UACA: variants seen among roughly 807,000 people sequenced by gnomAD.
UACA encodes uveal autoantigen with coiled-coil domains and ankyrin repeats.
UACA carries 112 observed loss-of-function variants against 160.5 expected under a neutral mutation model. That is an observed-to-expected ratio of 0.70 (90% confidence interval 0.60 to 0.82). The LOEUF is 0.82. UACA is among the 40% of genes least tolerant of loss of function. The pLI is 0.00. For synonymous variants in UACA, 557 were observed against 568.4 expected (o/e 0.98, Z 0.29); for missense variants, 1,574 against 1,614.6 (o/e 0.97, Z 0.43).
chr15:70,726,191 T>C (rs1051772440), intron 1 of UACA, among the ~76,000 whole-genome samples: 10 of 152,124 alleles, frequency 6.6e-5, no homozygotes, highest in African/African-American at 2.4e-4. Flanking sequence ...AATGATTTAA[T>C]ACATCAGTGA....
chr15:70,667,629 T>C lies in UACA; in HGVS notation c.3055A>G (p.Ser1019Gly). 6.2e-7 allele frequency: 1 copy of C among 1,612,846 alleles called. No homozygotes were observed. The highest frequency in any genetic ancestry group is 2.2e-5 in the East Asian group (1 of 44,876). Residue 1019 changes from serine (S) to glycine (G), a missense_variant, in exon 16 of 19, where the codon AGT becomes GGT. Transcript: ENST00000322954. The part of the protein sequence containing the change: ...LSEQTQKYSV[S>G]EEEVKKNKQE... The stretch of plus-strand genomic sequence containing the variant: ...TTGTTTTTCTTGACTTCTTCTTCAC[T>C]GACACTATACTTTTGTGTCTGCTCT...
chr15:70,687,433 C>T (rs924749632), intron 7 of UACA, 107 bp downstream of exon 7: 11 of 979,672 alleles, frequency 1.1e-5, no homozygotes, highest in Non-Finnish European at 1.7e-5. Flanking sequence ...AAGGGGAGAA[C>T]CCACAGGAAA....
At chr15:70,755,989 C>T (rs894078962) in intron 1 of UACA, among the ~76,000 whole-genome samples, 3 of 152,178 alleles carry the variant, frequency 2.0e-5, no homozygotes, top group African/African-American at 7.2e-5. Context: ...GCCCCCACAG[C>T]AATTTATACC....
At position 70,716,740 on chromosome 15, in the gene UACA, A is replaced by G. The variant is rs185031255; in HGVS notation, c.79-17080T>C. Among the ~76,000 whole-genome samples, 459 of 152,300 alleles carry G rather than the reference A, an allele frequency of 3.0e-3. 2 individuals are homozygous for G. The highest frequency in any genetic ancestry group is 4.3e-3 in the Non-Finnish European group (293 of 68,022). On this transcript the variant is annotated intron_variant, in intron 1 of 18. Coordinates refer to ENST00000322954, the MANE Select transcript of UACA (RefSeq NM_018003.4). The stretch of plus-strand genomic sequence containing the variant: ...ATATTAATAATATTATGCTGATAAA[A>G]TTTTATTAGAAAAAGTATTTTTCCT...
chr15:70,767,268 AACAAAAACAAC>A (rs2031037661), upstream of UACA, among the ~76,000 whole-genome samples: 1 of 137,106 alleles, frequency 7.3e-6, no homozygotes, highest in African/African-American at 3.2e-5. Context: ...AAAAAACAAA[AACAAAAACAAC>A]AACAATAAAA....
At chr15:70,699,846 C>A (rs530661833) in intron 1 of UACA, among the ~76,000 whole-genome samples, 186 bp from the exon 2 acceptor site, 38 of 151,850 alleles carry the variant, frequency 2.5e-4, no homozygotes, top group Non-Finnish European at 4.9e-4. Context: ...AAAATCTTCC[C>A]AAAACACATG....
chr15:70,727,542 C>T (rs145186486), intron 1 of UACA, among the ~76,000 whole-genome samples: 57 of 152,172 alleles, frequency 3.7e-4, no homozygotes, highest in Middle Eastern at 3.4e-3. Flanking sequence ...GGAGTAGATA[C>T]GTTTACATTA....
In UACA at chr15:70,682,860, C is replaced by G. The variant is rs369222795; in HGVS notation, c.785-65G>C. Reference sequence around the variant, plus strand: ...TTAACTTGGGGTAGGTACGCATTCCCTAACTATACAATTGAGTCAATATTA... The same window carrying G: ...TTAACTTGGGGTAGGTACGCATTCCGTAACTATACAATTGAGTCAATATTA... On this transcript the variant is annotated intron_variant, in intron 8 of 18. Transcript: ENST00000322954. The G allele has an allele frequency of 1.1e-4, 111 of 1,055,812 alleles. 1 individual carries two copies. In the African/African-American group the frequency reaches 1.6e-3, roughly 15 times the overall value. The allele number at this position is 1,055,812 out of a possible 1,614,324, so 65.4% of individuals were successfully genotyped here. A position where few individuals can be genotyped will look rare whatever the true frequency, so the allele number is the denominator to read the frequency against.
At chr15:70,728,081 TA>T (rs1255392818) in intron 1 of UACA, among the ~76,000 whole-genome samples, 2 of 152,070 alleles carry the variant, frequency 1.3e-5, no homozygotes, top group African/African-American at 4.8e-5. Context: ...CACACTCCTA[TA>T]AACATCTGAT....
chr15:70,671,463 C>T (rs1897138246), intron 14 of UACA: 1 of 163,280 alleles, frequency 6.1e-6, no homozygotes, highest in Admixed American at 6.3e-5. Flanking sequence ...ATAAATATTA[C>T]TGTTGTAGGA....
chr15:70,684,835 AT>A (rs1473776026), intron 7 of UACA, among the ~76,000 whole-genome samples: 2 of 152,182 alleles, frequency 1.3e-5, no homozygotes, highest in African/African-American at 4.8e-5. Flanking sequence ...CATTGCATTT[AT>A]AAAAACATTT....
intron 1 of UACA, among the ~76,000 whole-genome samples, chr15:70,718,025 T>TTA (rs774810675): frequency 3.5e-4 from 44 of 124,738 alleles, no homozygotes; most frequent in Non-Finnish European, 6.2e-4. Flanking sequence ...ATAAATTTCT[T>TTA]TATACACACA....
chr15:70,763,393 C>A lies in UACA; in HGVS notation c.15G>T (p.Lys5Asn). The A allele has an allele frequency of 7.5e-7, 1 of 1,324,978 alleles. No individual in the cohort carries two copies. The highest frequency in any genetic ancestry group is 2.1e-5 in the South Asian group (1 of 48,392). The allele number at this position is 1,324,978 out of a possible 1,614,324, so 82.1% of individuals were successfully genotyped here. A position where few individuals can be genotyped will look rare whatever the true frequency, so the allele number is the denominator to read the frequency against. Residue 5 changes from lysine to asparagine, a missense_variant, in exon 1 of 19, where the codon AAG becomes AAT. Transcript: ENST00000322954. MKSLKSRLRRQDVPG... is the reference protein window; with the variant it reads MKSLNSRLRRQDVPG... Reference sequence around the variant, plus strand: ...GCACGTCCTGCCTCCTCAGGCGGGACTTGAGGCTCTTCATGGCTAACTCTT... The same window carrying A: ...GCACGTCCTGCCTCCTCAGGCGGGAATTGAGGCTCTTCATGGCTAACTCTT...
chr15:70,704,517 C>T (rs1441833387), intron 1 of UACA, among the ~76,000 whole-genome samples: 3 of 152,196 alleles, frequency 2.0e-5, no homozygotes, highest in Non-Finnish European at 4.4e-5. Flanking sequence ...AGTTAAAACA[C>T]ATGTTCTTCA....
chr15:70,669,126 A>G lies in UACA; in HGVS notation c.1558T>C (p.Phe520Leu). 1 of 1,614,124 alleles carries G rather than the reference A, an allele frequency of 6.2e-7. No individual in the cohort carries two copies. The highest frequency in any genetic ancestry group is 8.5e-7 in the Non-Finnish European group (1 of 1,180,022). Residue 520 changes from phenylalanine (F) to leucine (L), a missense_variant, in exon 16 of 19, where the codon TTT (phenylalanine) becomes CTT (leucine). Physicochemically the swap from Phe to Leu is conservative, Grantham distance 22 (BLOSUM62 0). Coordinates refer to ENST00000322954, the MANE Select transcript of UACA (RefSeq NM_018003.4). ...EGKVKQMQTH[F>L]LALKEHLTSE... ...GTTAAGTGTTCTTTAAGGGCAAGAA[A>G]ATGGGTCTGCATTTGTTTAACTTTA...
chr15:70,699,467 T>G, intron 2 of UACA, 60 bp downstream of exon 2: 2 of 1,552,738 alleles, frequency 1.3e-6, no homozygotes, highest in Non-Finnish European at 1.7e-6. Context: ...CAAGTTTCAT[T>G]TGTATCCCAA....
intron 17 of UACA, among the ~76,000 whole-genome samples, chr15:70,662,659 CAG>C (rs1276457679): frequency 5.3e-5 from 8 of 152,298 alleles, no homozygotes; most frequent in Admixed American, 1.3e-4. Context: ...GGTACCAAAA[CAG>C]AGATACAGAC....
chr15:70,679,478 T>C (rs1897413472), intron 10 of UACA, 130 bp downstream of exon 10: 2 of 479,290 alleles, frequency 4.2e-6, no homozygotes, highest in Non-Finnish European at 3.6e-6. Context: ...TCACAAACAA[T>C]TTTAACGAGC....
chr15:70,772,909 T>A, the UACA span, among the ~76,000 whole-genome samples: 1 of 151,974 alleles, frequency 6.6e-6, no homozygotes, highest in Non-Finnish European at 1.5e-5. Context: ...GCCAACATGG[T>A]GAAACCCCGT....
Sources: allele counts gnomAD v4.1 joint callset (sites outside exome capture counted in the v4.1 genomes callset), GRCh38; gene constraint gnomAD v4.1.1; transcripts MANE v1.5; gene names NCBI Gene and HGNC (gene_info 2026-07-23, HGNC 2026-07-21).